Variants in MAML3 observed in about 807,000 individuals in gnomAD.
The protein encoded by MAML3 is mastermind-like protein 3.
Under a neutral mutation model 101.9 loss-of-function variants are expected in MAML3, and 27 were observed. That is an observed-to-expected ratio of 0.27 (90% confidence interval 0.20 to 0.37). The LOEUF (loss-of-function observed/expected upper bound fraction) is 0.37, where lower values mean the gene tolerates loss of function less well. MAML3 is among the 10% of genes least tolerant of loss of function. The probability of loss-of-function intolerance (pLI) is 1.00; values close to 1 mark genes in which losing one functional copy is unlikely to be tolerated. For missense variants in MAML3, 1,316 were observed against 1,444.9 expected, an observed-to-expected ratio of 0.91 and a Z score of 1.45; for synonymous variants, 501 against 555.9, an observed-to-expected ratio of 0.90 and a Z score of 1.39.
At chr4:139,995,690 T>C (rs1424340787) in intron 1 of MAML3, among the ~76,000 whole-genome samples, 1 of 152,184 alleles carries the variant, frequency 6.6e-6, no homozygotes, top group Non-Finnish European at 1.5e-5. Context: ...CATTTTTCAT[T>C]CGTGATTGGC....
At chr4:139,874,719 G>A (rs1326297108) in intron 2 of MAML3, among the ~76,000 whole-genome samples, 4 of 151,798 alleles carry the variant, frequency 2.6e-5, no homozygotes, top group Non-Finnish European at 5.9e-5. Flanking sequence ...TACATCCTAT[G>A]GGTCTGATAC....
At chr4:139,884,448 C>G (rs1239925202) in intron 2 of MAML3, among the ~76,000 whole-genome samples, 1 of 152,214 alleles carries the variant, frequency 6.6e-6, no homozygotes, top group Non-Finnish European at 1.5e-5. Context: ...TATGATGTAT[C>G]TAGTCCTAAG....
chr4:139,967,950 G>A (rs1221314860), intron 1 of MAML3, among the ~76,000 whole-genome samples: 1 of 142,926 alleles, frequency 7.0e-6, no homozygotes, highest in Admixed American at 7.2e-5. Context: ...TGTGAAAAGT[G>A]AGACCCTGTC....
At chr4:139,805,410 T>C (rs1730683616) in intron 2 of MAML3, among the ~76,000 whole-genome samples, 1 of 152,210 alleles carries the variant, frequency 6.6e-6, no homozygotes, top group Non-Finnish European at 1.5e-5. Flanking sequence ...TTCTGGCTTG[T>C]CAGGTTTTGC....
At chr4:140,033,843 T>C (rs1164194663) in intron 1 of MAML3, among the ~76,000 whole-genome samples, 3 of 152,260 alleles carry the variant, frequency 2.0e-5, no homozygotes, top group Non-Finnish European at 4.4e-5. Flanking sequence ...TCTGCTTGCA[T>C]TAAGCAGTGC....
chr4:139,851,779 G>A (rs916696661), intron 2 of MAML3, among the ~76,000 whole-genome samples: 5 of 152,200 alleles, frequency 3.3e-5, no homozygotes, highest in African/African-American at 1.2e-4. Flanking sequence ...AGGTATATGT[G>A]CTCATATTAA....
chr4:140,076,215 A>G (rs1727762692), intron 1 of MAML3, among the ~76,000 whole-genome samples: 2 of 152,004 alleles, frequency 1.3e-5, no homozygotes, highest in Non-Finnish European at 2.9e-5. Flanking sequence ...TATTCTTTCT[A>G]GGAATATTCC....
rs188857224 is a variant in MAML3 at position 139,819,726 on chromosome 4, C to T, written c.2079+69631G>A. Among the ~76,000 whole-genome samples, 148 of 152,312 alleles carry T rather than the reference C, an allele frequency of 9.7e-4. 1 individual carries two copies. The highest frequency in any genetic ancestry group is 3.5e-3 in the African/African-American group (145 of 41,552). On this transcript the variant is annotated intron_variant, in intron 2 of 4. Transcript: ENST00000509479. ...AAAATAGCTAAGTATAAATTGGTAG[C>T]TTCTTAACAAATGCTTGACTCAGAT...
rs33972666 is a variant in MAML3, at chr4:140,074,177, A to AAGAG, written c.468+78679_468+78682dup. ...AAGAGAGAGAGAAAGGAAAGAAAGA[A>AAGAG]AGAGAGAGAGAGAGAAAGAAAGAGA... On this transcript the variant is annotated intron_variant, in intron 1 of 4. Transcript: ENST00000509479. Among the ~76,000 whole-genome samples the AAGAG allele has an allele frequency of 7.5e-5, 4 of 53,502 alleles. 1 individual carries two copies. Among genetic ancestry groups the AAGAG allele is most frequent in the African/African-American group, 2.0e-4 (4 of 20,022 alleles). The allele number at this position is 53,502 out of a possible 152,430, so 35.1% of individuals were successfully genotyped here. A position where few individuals can be genotyped will look rare whatever the true frequency, so the allele number is the denominator to read the frequency against.
chr4:139,947,293 A>C lies in MAML3; in HGVS notation c.469-56326T>G, dbSNP rs115265162. ...TTTCCTTCTTGCTCTTAAAATAGCG[A>C]AGTGGTATTTGCTAAATGGACATGG... On this transcript the variant is annotated intron_variant, in intron 1 of 4. Transcript: ENST00000509479. Among the ~76,000 whole-genome samples the C allele has an allele frequency of 4.1e-3, 618 of 152,292 alleles. 1 individual carries two copies. The highest frequency in any genetic ancestry group is 0.014 in the African/African-American group (581 of 41,558).
At chr4:139,839,253 C>G (rs565633794) in intron 2 of MAML3, among the ~76,000 whole-genome samples, 1 of 152,192 alleles carries the variant, frequency 6.6e-6, no homozygotes, top group African/African-American at 2.4e-5. Context: ...ACCGGATCCT[C>G]TGTTGGCATC....
At chr4:139,913,316 C>G (rs961288370) in intron 1 of MAML3, among the ~76,000 whole-genome samples, 1 of 152,084 alleles carries the variant, frequency 6.6e-6, no homozygotes, top group African/African-American at 2.4e-5. Flanking sequence ...CTAATTTGTC[C>G]CCTAATTTTT....
At chr4:139,976,731 C>A (rs1417105497) in intron 1 of MAML3, among the ~76,000 whole-genome samples, 1 of 152,192 alleles carries the variant, frequency 6.6e-6, no homozygotes, top group Non-Finnish European at 1.5e-5. Flanking sequence ...TTTTTAGAGG[C>A]ATTTGCTTAA....
chr4:139,861,240 C>T (rs1211277385), intron 2 of MAML3, among the ~76,000 whole-genome samples: 1 of 152,210 alleles, frequency 6.6e-6, no homozygotes, highest in East Asian at 1.9e-4. Flanking sequence ...TCCCTGTTTT[C>T]TCTTTACTTG....
intron 1 of MAML3, among the ~76,000 whole-genome samples, chr4:140,016,176 G>C (rs1726638993): frequency 6.6e-6 from 1 of 152,070 alleles, no homozygotes; most frequent in Non-Finnish European, 1.5e-5. Context: ...GTTGAGAATA[G>C]AGTACCATTT....
chr4:139,853,433 G>A (rs997016315), intron 2 of MAML3, among the ~76,000 whole-genome samples: 1 of 152,150 alleles, frequency 6.6e-6, no homozygotes. Context: ...TATTTGCTGA[G>A]TTTGGTTGGG....
chr4:140,011,385 C>T (rs1175594984), intron 1 of MAML3, among the ~76,000 whole-genome samples: 1 of 130,408 alleles, frequency 7.7e-6, no homozygotes, highest in Non-Finnish European at 1.6e-5. Flanking sequence ...TCGCCCAGGC[C>T]GGACTGCGGA....
At position 140,029,384 on chromosome 4, in the gene MAML3, T is replaced by A. The variant is rs182824082; in HGVS notation, c.468+123476A>T. Among the ~76,000 whole-genome samples, 560 of 152,344 alleles carry A rather than the reference T, an allele frequency of 3.7e-3. 4 individuals are homozygous for A. The highest frequency in any genetic ancestry group is 0.013 in the African/African-American group (535 of 41,578). Reference sequence around the variant, plus strand: ...ACTAGGAGAAATGCTGAATTCTCTCTCTTTCTGGGTGATATCCATGCTCAC... The same window carrying A: ...ACTAGGAGAAATGCTGAATTCTCTCACTTTCTGGGTGATATCCATGCTCAC... On this transcript the variant is annotated intron_variant, in intron 1 of 4. Transcript: ENST00000509479.
intron 1 of MAML3, among the ~76,000 whole-genome samples, chr4:140,073,214 T>C (rs1338746097): frequency 1.3e-5 from 2 of 151,968 alleles, no homozygotes; most frequent in Non-Finnish European, 2.9e-5. Context: ...CTTGGTTCAC[T>C]GCAACCTCCA....
Sources: allele counts gnomAD v4.1 joint callset (sites outside exome capture counted in the v4.1 genomes callset), GRCh38; gene constraint gnomAD v4.1.1; transcripts MANE v1.5; gene names NCBI Gene and HGNC (gene_info 2026-07-23, HGNC 2026-07-21).